The following ANO10 variants were observed in gnomAD, a reference collection of about 807,000 sequenced individuals.
The protein encoded by ANO10 is anoctamin 10, also known as anoctamin-10.
Under a neutral mutation model 74.7 loss-of-function variants are expected in ANO10, and 77 were observed. The observed-to-expected ratio is 1.03, with a 90% CI of 0.86 to 1.25. ANO10 has a LOEUF of 1.25. Ranked by LOEUF, ANO10 falls within the 50% of genes most tolerant of loss-of-function variation. The pLI, the probability that ANO10 is intolerant of heterozygous loss-of-function variation, is 0.00. For synonymous variants in ANO10, 279 were observed against 284.9 expected, an observed-to-expected ratio of 0.98 and a Z score of 0.21; for missense variants, 721 against 778.1, an observed-to-expected ratio of 0.93 and a Z score of 0.87.
At chr3:43,613,701 C>T (rs1483485536) in intron 1 of ANO10, among the ~76,000 whole-genome samples, 2 of 152,116 alleles carry the variant, frequency 1.3e-5, no homozygotes, top group African/African-American at 2.4e-5. Context: ...GAATATTAAC[C>T]TACTAGTAGA....
At chr3:43,489,494 A>G (rs938990023) in intron 11 of ANO10, among the ~76,000 whole-genome samples, 3 of 151,984 alleles carry the variant, frequency 2.0e-5, no homozygotes, top group Non-Finnish European at 4.4e-5. Context: ...TTCTCCTATT[A>G]ATCTGCCTTT....
intron 11 of ANO10, among the ~76,000 whole-genome samples, chr3:43,453,512 G>C (rs1490123898): frequency 6.6e-6 from 1 of 152,050 alleles, no homozygotes. Context: ...TGTGCTTTTG[G>C]TGTCATATCT....
At chr3:43,480,736 CCA>C in intron 11 of ANO10, among the ~76,000 whole-genome samples, 1 of 152,184 alleles carries the variant, frequency 6.6e-6, no homozygotes, top group East Asian at 1.9e-4. Context: ...GAAGGGAACA[CCA>C]CAGTTCCAGA....
chr3:43,576,377 T>A (rs1268360407), intron 6 of ANO10, among the ~76,000 whole-genome samples: 2 of 152,224 alleles, frequency 1.3e-5, no homozygotes, highest in African/African-American at 4.8e-5. Flanking sequence ...AAGCATCAGT[T>A]ATCTTTATCC....
intron 11 of ANO10, among the ~76,000 whole-genome samples, chr3:43,493,166 T>C (rs1575255713): frequency 6.6e-6 from 1 of 152,178 alleles, no homozygotes; most frequent in East Asian, 1.9e-4. Flanking sequence ...CTCAGTAAAC[T>C]ATCACAAGAT....
chr3:43,626,550 C>T (rs1186620086), upstream of ANO10, among the ~76,000 whole-genome samples: 1 of 152,104 alleles, frequency 6.6e-6, no homozygotes, highest in Non-Finnish European at 1.5e-5. Context: ...ATCTGCCCAC[C>T]TTGGCCTCCC....
intron 4 of ANO10, among the ~76,000 whole-genome samples, chr3:43,583,801 T>C (rs72865099): frequency 0.092 from 13,976 of 152,292 alleles, 1,004 homozygotes; most frequent in African/African-American, 0.2. Context: ...AGATCACTTT[T>C]GTCTTAATAA....
At chr3:43,461,321 C>G (rs1223463084) in intron 11 of ANO10, among the ~76,000 whole-genome samples, 7 of 152,086 alleles carry the variant, frequency 4.6e-5, no homozygotes, top group Non-Finnish European at 1.0e-4. Context: ...TAGGAAGAAA[C>G]AGAACATCTG....
intron 4 of ANO10, among the ~76,000 whole-genome samples, chr3:43,586,644 A>G (rs906152254): frequency 2.6e-5 from 4 of 152,212 alleles, no homozygotes; most frequent in Non-Finnish European, 4.4e-5. Context: ...AAGAAAAAAT[A>G]TATAAACAAA....
At chr3:43,464,608 G>T (rs2075533747) in intron 11 of ANO10, among the ~76,000 whole-genome samples, 2 of 152,162 alleles carry the variant, frequency 1.3e-5, no homozygotes, top group African/African-American at 4.8e-5. Flanking sequence ...GAGTCCAAGA[G>T]GTTGAGGTTG....
intron 1 of ANO10, among the ~76,000 whole-genome samples, chr3:43,612,898 T>C (rs2082899076): frequency 6.6e-6 from 1 of 152,212 alleles, no homozygotes; most frequent in Non-Finnish European, 1.5e-5. Context: ...CTGGGCACGG[T>C]GGCTCACGCC....
intron 11 of ANO10, among the ~76,000 whole-genome samples, chr3:43,473,614 C>A (rs887947178): frequency 1.3e-5 from 2 of 152,216 alleles, no homozygotes; most frequent in Non-Finnish European, 2.9e-5. Flanking sequence ...ATGCCCAATA[C>A]TGTTCCTAGA....
chr3:43,482,171 G>A (rs1463004085), intron 11 of ANO10, among the ~76,000 whole-genome samples: 4 of 151,816 alleles, frequency 2.6e-5, no homozygotes, highest in East Asian at 3.9e-4. Context: ...CTCGTGATCC[G>A]CCTGCCTTGG....
chr3:43,446,178 A>G (rs2093243303), intron 11 of ANO10, among the ~76,000 whole-genome samples: 2 of 152,216 alleles, frequency 1.3e-5, no homozygotes, highest in African/African-American at 4.8e-5. Flanking sequence ...AGGGCCTAAC[A>G]GAGCATGTGG....
intron 4 of ANO10, among the ~76,000 whole-genome samples, chr3:43,590,509 A>G (rs1055319119): frequency 1.6e-4 from 25 of 151,994 alleles, no homozygotes; most frequent in African/African-American, 5.8e-4. Flanking sequence ...ACCAGAGAAG[A>G]TACAGCATCA....
intron 11 of ANO10, among the ~76,000 whole-genome samples, chr3:43,447,108 G>A (rs1382679958): frequency 6.6e-6 from 1 of 152,142 alleles, no homozygotes; most frequent in Non-Finnish European, 1.5e-5. Context: ...ATCGACCAGT[G>A]ATGGACATTT....
At chr3:43,509,063 T>A (rs531410642) in intron 11 of ANO10, among the ~76,000 whole-genome samples, 1 of 151,990 alleles carries the variant, frequency 6.6e-6, no homozygotes, top group African/African-American at 2.4e-5. Flanking sequence ...TTCATGTCCT[T>A]TGTAGGGACA....
At chr3:43,611,139 C>G (rs990513587) in intron 1 of ANO10, among the ~76,000 whole-genome samples, 3 of 152,114 alleles carry the variant, frequency 2.0e-5, no homozygotes, top group Non-Finnish European at 4.4e-5. Context: ...AAATTCGAGA[C>G]AATAGTATGT....
intron 12 of ANO10, among the ~76,000 whole-genome samples, chr3:43,415,837 T>C (rs981882858): frequency 2.0e-5 from 3 of 152,114 alleles, no homozygotes; most frequent in African/African-American, 7.2e-5. Flanking sequence ...CCACCATGCC[T>C]AGCCAAAAAA....
Sources: gnomAD v4.1 joint callset for allele counts (sites outside exome capture counted in the v4.1 genomes callset) on GRCh38, gnomAD v4.1.1 for gene constraint, MANE v1.5 for transcripts, NCBI Gene and HGNC (gene_info 2026-07-23, HGNC 2026-07-21) for gene names.